Variants in XPNPEP1 observed in about 807,000 individuals in gnomAD.
XPNPEP1 encodes xaa-Pro aminopeptidase 1.
XPNPEP1 carries 39 observed loss-of-function variants against 92.4 expected under a neutral mutation model. The ratio of observed to expected loss-of-function variants is 0.42; its 90% CI spans 0.33 to 0.55. The LOEUF is 0.55. XPNPEP1 is among the 20% of genes least tolerant of loss of function. The pLI is 0.08. For synonymous variants in XPNPEP1, 307 were observed against 299.4 expected, an observed-to-expected ratio of 1.03 and a Z score of -0.26; for missense variants, 654 against 856.1, an observed-to-expected ratio of 0.76 and a Z score of 2.95.
intron 2 of XPNPEP1, among the ~76,000 whole-genome samples, chr10:109,909,579 A>G (rs540128187): frequency 1.2e-4 from 19 of 152,314 alleles, no homozygotes; most frequent in Middle Eastern, 3.4e-3. Context: ...TGGTTCTTCA[A>G]AAAGACCTTT....
rs1282485501 is a variant in XPNPEP1 at position 109,865,636 on chromosome 10, T to TG, written c.1873-325dup. On this transcript the variant is annotated intron_variant, in intron 20 of 20. Transcript: ENST00000502935. ...CTGAGCCATCCTGGGAGGTGGTAAG[T>TG]GGGGGAATAGCCCCGGACTCTGTGA... Among the ~76,000 whole-genome samples the TG allele has an allele frequency of 2.6e-5, 4 of 152,268 alleles. No homozygotes were observed. In the East Asian group the frequency reaches 7.7e-4, roughly 29 times the overall value.
chr10:109,866,067 C>T (rs1732360616), intron 20 of XPNPEP1, among the ~76,000 whole-genome samples: 1 of 152,106 alleles, frequency 6.6e-6, no homozygotes, highest in Non-Finnish European at 1.5e-5. Flanking sequence ...CAGGTTTTAC[C>T]AAGAGGACAA....
At chr10:109,907,351 C>T (rs1390293514) in intron 3 of XPNPEP1, among the ~76,000 whole-genome samples, 2 of 152,210 alleles carry the variant, frequency 1.3e-5, no homozygotes, top group Admixed American at 6.5e-5. Flanking sequence ...CTCCAACTCT[C>T]CTGGATTGGG....
At chr10:109,873,508 T>C (rs1847604280) in intron 15 of XPNPEP1, 81 bp from the exon 16 acceptor site, 1 of 1,549,834 alleles carries the variant, frequency 6.5e-7, no homozygotes, top group South Asian at 1.1e-5. Flanking sequence ...TGTGGACAAG[T>C]GAGAAGCCCC....
intron 12 of XPNPEP1, among the ~76,000 whole-genome samples, chr10:109,878,705 T>C (rs1490905959): frequency 2.6e-5 from 4 of 151,402 alleles, no homozygotes; most frequent in Non-Finnish European, 5.9e-5. Flanking sequence ...CTGGGCAACA[T>C]GGCAAAACCT....
chr10:109,900,021 CA>C (rs1401410478), intron 3 of XPNPEP1, among the ~76,000 whole-genome samples: 2 of 152,202 alleles, frequency 1.3e-5, no homozygotes, highest in African/African-American at 2.4e-5. Flanking sequence ...CTCATTAATA[CA>C]ACAACCCTAA....
chr10:109,888,289 T>A (rs779129469), intron 6 of XPNPEP1, 97 bp from the exon 7 acceptor site: 4 of 1,496,126 alleles, frequency 2.7e-6, no homozygotes, highest in Non-Finnish European at 3.6e-6. Context: ...AGAAAGGTGG[T>A]CCTGCCATGG....
intron 8 of XPNPEP1, 127 bp from the exon 9 acceptor site, chr10:109,884,275 A>G (rs1848268259): frequency 1.1e-6 from 1 of 873,406 alleles, no homozygotes. Context: ...AATCGCACAG[A>G]AAGGCTGGAA....
intron 1 of XPNPEP1, among the ~76,000 whole-genome samples, chr10:109,920,284 T>C (rs1346435462): frequency 6.6e-6 from 1 of 152,236 alleles, no homozygotes; most frequent in Non-Finnish European, 1.5e-5. Flanking sequence ...GAAAATGTTC[T>C]AAAATGATTG....
intron 14 of XPNPEP1, chr10:109,876,191 T>A (rs899230493): frequency 6.6e-6 from 1 of 152,320 alleles, no homozygotes; most frequent in Non-Finnish European, 1.5e-5. Flanking sequence ...CAAACAAACA[T>A]GAGGTATTTT....
intron 3 of XPNPEP1, among the ~76,000 whole-genome samples, chr10:109,899,827 G>C (rs1849185571): frequency 6.6e-6 from 1 of 152,252 alleles, no homozygotes; most frequent in Admixed American, 6.5e-5. Context: ...GGATGAGGAG[G>C]ATGAGGAATC....
intron 5 of XPNPEP1, among the ~76,000 whole-genome samples, chr10:109,890,368 A>G (rs1848629286): frequency 6.6e-6 from 1 of 152,206 alleles, no homozygotes; most frequent in Non-Finnish European, 1.5e-5. Flanking sequence ...TTTATAAAGA[A>G]ATTACAAAGT....
intron 1 of XPNPEP1, among the ~76,000 whole-genome samples, chr10:109,915,598 G>A (rs140466542): frequency 4.9e-4 from 74 of 151,626 alleles, no homozygotes; most frequent in East Asian, 1.9e-3. Context: ...TTCCTTCTGC[G>A]TTTTGTGATC....
Position 109,870,861 on chromosome 10 carries a change from T to C in XPNPEP1, c.1566A>G (p.Ser522=), listed in dbSNP as rs751251643. 3.1e-6 allele frequency: 5 copies of C among 1,614,050 alleles called. No homozygotes were observed. Among genetic ancestry groups the C allele is most frequent in the Non-Finnish European group, 4.2e-6 (5 of 1,179,978 alleles). The part of the protein sequence containing the change: ...DSFARSALWD[S]GLDYLHGTGH... ...CAGTCCCGTGCAAGTAATCTAGGCC[T>C]GAATCCCATAAAGCTGAACGGGCAA... Residue 522 remains serine (S), a synonymous_variant, in exon 18 of 21, where the codon TCA becomes TCG. Coordinates refer to ENST00000502935, the MANE Select transcript of XPNPEP1 (RefSeq NM_020383.4).
intron 3 of XPNPEP1, 74 bp from the exon 4 acceptor site, chr10:109,893,149 G>T: frequency 7.1e-7 from 1 of 1,417,708 alleles, no homozygotes; most frequent in Non-Finnish European, 9.8e-7. Flanking sequence ...TTAGCCTTGT[G>T]CTAGGCTCAG....
intron 1 of XPNPEP1, among the ~76,000 whole-genome samples, chr10:109,918,852 GA>G (rs1423300934): frequency 0.084 from 2,690 of 32,008 alleles, 67 homozygotes; most frequent in Non-Finnish European, 0.17. Flanking sequence ...AGGAAGGAAG[GA>G]AGGAGGGAAG....
At chr10:109,923,372 G>C in intron 1 of XPNPEP1, 30 bp downstream of exon 1, 1 of 1,428,524 alleles carries the variant, frequency 7.0e-7, no homozygotes, top group Non-Finnish European at 9.2e-7. Flanking sequence ...CACGCTGCCC[G>C]GACGCCGGCT....
chr10:109,881,576 A>C (rs1427736255), intron 10 of XPNPEP1, among the ~76,000 whole-genome samples: 5 of 152,136 alleles, frequency 3.3e-5, no homozygotes, highest in Non-Finnish European at 7.4e-5. Flanking sequence ...AGAGAGGAGG[A>C]GTCACACTGT....
intron 20 of XPNPEP1, among the ~76,000 whole-genome samples, 162 bp downstream of exon 20, chr10:109,868,452 A>G (rs1847262361): frequency 6.6e-6 from 1 of 152,058 alleles, no homozygotes; most frequent in African/African-American, 2.4e-5. Flanking sequence ...GTCCTCAGAA[A>G]ACCTAGGGCT....
Sources: gnomAD v4.1 joint callset for allele counts (sites outside exome capture counted in the v4.1 genomes callset) on GRCh38, gnomAD v4.1.1 for gene constraint, MANE v1.5 for transcripts, NCBI Gene and HGNC (gene_info 2026-07-23, HGNC 2026-07-21) for gene names.